Variants in ARID1A observed in about 807,000 individuals in gnomAD.
The protein encoded by ARID1A is AT-rich interactive domain-containing protein 1A.
Under a neutral mutation model 212.6 loss-of-function variants are expected in ARID1A, and 20 were observed. That is an observed-to-expected ratio of 0.09 (90% confidence interval 0.07 to 0.14). ARID1A has a LOEUF of 0.14. Among genes scored for constraint, ARID1A ranks in the 10% least tolerant of loss-of-function variants. ARID1A has a pLI of 1.00. For synonymous variants in ARID1A, 1,376 were observed against 1,222.1 expected (o/e 1.13, Z -2.63); for missense variants, 2,587 against 3,059.0 (o/e 0.85, Z 3.64).
chr1:26,715,739 G>A (rs2080496310), intron 1 of ARID1A, among the ~76,000 whole-genome samples: 1 of 152,110 alleles, frequency 6.6e-6, no homozygotes, highest in Non-Finnish European at 1.5e-5. Flanking sequence ...TGGGGAGAGT[G>A]GCACACGCCT....
intron 19 of ARID1A, chr1:26,776,091 C>T: frequency 2.8e-6 from 1 of 361,028 alleles, no homozygotes; most frequent in Non-Finnish European, 5.4e-6. Flanking sequence ...TCAAGTGATC[C>T]TCCCAAAGTG....
rs552101882 is a variant in ARID1A at position 26,776,001 on chromosome 1, T to A, written c.5124+294T>A. 2.9e-4 allele frequency: 141 copies of A among 487,448 alleles called. 1 individual carries two copies. The highest frequency in any genetic ancestry group is 2.3e-3 in the South Asian group (132 of 58,472). 30.2% of individuals were successfully genotyped at this position (487,448 alleles called of 1,614,324 possible). A position where few individuals can be genotyped will look rare whatever the true frequency, so the allele number is the denominator to read the frequency against. On this transcript the variant is annotated intron_variant, in intron 19 of 19. Coordinates refer to ENST00000324856, the MANE Select transcript of ARID1A (RefSeq NM_006015.6). ...CGATGCCAGTGGGGACACCACATTTTCTAGAAGAATCTGTGTTTTTTTGTT... is the reference window on the plus strand; with the variant it reads ...CGATGCCAGTGGGGACACCACATTTACTAGAAGAATCTGTGTTTTTTTGTT...
rs2080278331 is a variant in ARID1A at position 26,697,298 on chromosome 1, C to T, written c.895C>T (p.Leu299Phe). The T allele has an allele frequency of 3.7e-6, 5 of 1,354,930 alleles. No individual in the cohort carries two copies. The highest frequency in any genetic ancestry group is 4.7e-6 in the Non-Finnish European group (5 of 1,059,878). The allele number at this position is 1,354,930 out of a possible 1,614,324, so 83.9% of individuals were successfully genotyped here. A position where few individuals can be genotyped will look rare whatever the true frequency, so the allele number is the denominator to read the frequency against. Residue 299 changes from leucine to phenylalanine, a missense_variant, in exon 1 of 20, where the codon CTC becomes TTC. Transcript: ENST00000324856. ...PTATPTLNQL[L>F]TSPSSARGYQ... The stretch of plus-strand genomic sequence containing the variant: ...CGCCACCCCCACCCTCAACCAACTG[C>T]TCACGTCGCCCAGCTCGGCCCGGGG...
intron 4 of ARID1A, among the ~76,000 whole-genome samples, chr1:26,736,092 A>G (rs1286050718): frequency 6.6e-6 from 1 of 152,082 alleles, no homozygotes; most frequent in Non-Finnish European, 1.5e-5. Context: ...TGGGAGGCCA[A>G]GGCGGGCAGA....
chr1:26,732,495 G>T (rs1223832732), intron 3 of ARID1A, among the ~76,000 whole-genome samples, 181 bp from the exon 4 acceptor site: 1 of 152,338 alleles, frequency 6.6e-6, no homozygotes, highest in East Asian at 1.9e-4. Context: ...GTCAGAAAGA[G>T]TCCACTGTTG....
chr1:26,767,708 C>T (rs962590809), intron 10 of ARID1A, 82 bp from the exon 11 acceptor site: 3 of 1,342,308 alleles, frequency 2.2e-6, no homozygotes, highest in African/African-American at 2.9e-5. Context: ...TTTAACACTG[C>T]TCCAGTCAAG....
At chr1:26,778,852 G>A in intron 19 of ARID1A, 171 bp from the exon 20 acceptor site, 1 of 583,770 alleles carries the variant, frequency 1.7e-6, no homozygotes. Context: ...CTTTGTGTTG[G>A]GCATAGAAGA....
At chr1:26,730,258 A>G (rs910850785) in intron 2 of ARID1A, among the ~76,000 whole-genome samples, 4 of 152,194 alleles carry the variant, frequency 2.6e-5, no homozygotes, top group Admixed American at 2.6e-4. Flanking sequence ...TACCTTTAAC[A>G]TATCTGCCTT....
At chr1:26,742,331 A>G (rs557398058) in intron 4 of ARID1A, among the ~76,000 whole-genome samples, 2 of 152,322 alleles carry the variant, frequency 1.3e-5, no homozygotes, top group Non-Finnish European at 2.9e-5. Flanking sequence ...ACCTGCTTGG[A>G]GGAACTAGCC....
rs2124064941 is a variant in ARID1A, at chr1:26,762,333, C to T, written c.2419+14C>T. 1 of 1,610,572 alleles carries T rather than the reference C, an allele frequency of 6.2e-7. No individual in the cohort carries two copies. The highest frequency in any genetic ancestry group is 8.5e-7 in the Non-Finnish European group (1 of 1,178,354). ...ATGGCCCACAAGGTCAGTATACTACCCAGTTAGGAGTAGATACGGGTGAGA... is the reference window on the plus strand; with the variant it reads ...ATGGCCCACAAGGTCAGTATACTACTCAGTTAGGAGTAGATACGGGTGAGA... On this transcript the variant is annotated intron_variant, in intron 7 of 19. Transcript: ENST00000324856.
intron 4 of ARID1A, among the ~76,000 whole-genome samples, chr1:26,738,893 T>G (rs1237046857): frequency 2.1e-5 from 3 of 141,786 alleles, no homozygotes; most frequent in Non-Finnish European, 4.6e-5. Flanking sequence ...TTTTTTTTTT[T>G]GAGACAGAGT....
At chr1:26,734,021 G>A (rs1206202335) in intron 4 of ARID1A, among the ~76,000 whole-genome samples, 2 of 152,210 alleles carry the variant, frequency 1.3e-5, no homozygotes, top group African/African-American at 4.8e-5. Flanking sequence ...CAGATAGGAC[G>A]TCTGAGATTG....
intron 4 of ARID1A, among the ~76,000 whole-genome samples, chr1:26,739,734 G>T (rs1178050338): frequency 1.3e-5 from 2 of 152,176 alleles, no homozygotes; most frequent in Non-Finnish European, 2.9e-5. Flanking sequence ...GAGCTCCTCT[G>T]CTCTATGGTG....
At chr1:26,749,787 C>G (rs565421926) in intron 4 of ARID1A, among the ~76,000 whole-genome samples, 2 of 152,338 alleles carry the variant, frequency 1.3e-5, no homozygotes, top group Non-Finnish European at 1.5e-5. Flanking sequence ...TACCAAGTTG[C>G]CAAAACCCAT....
intron 4 of ARID1A, chr1:26,752,933 G>A (rs1013334350): frequency 1.3e-5 from 2 of 152,184 alleles, no homozygotes; most frequent in Non-Finnish European, 2.9e-5. Flanking sequence ...CCAACTAAAT[G>A]GGTACAAGAA....
Position 26,774,675 on chromosome 1 carries a change from G to T in ARID1A, c.4448G>T (p.Gly1483Val), listed in dbSNP as rs768630495. The T allele has an allele frequency of 1.9e-6, 3 of 1,614,206 alleles. No individual in the cohort carries two copies. The highest frequency in any genetic ancestry group is 1.7e-5 in the Admixed American group (1 of 60,032). The change falls in exon 18 of 20, where the codon GGC (glycine) becomes GTC (valine). Residue 1483 changes from glycine (G) to valine (V), a missense_variant. Coordinates refer to ENST00000324856, the MANE Select transcript of ARID1A (RefSeq NM_006015.6). The surrounding 1 kb of genome is among the most constrained non-coding windows in gnomAD (Gnocchi z 5.6). ...AACATGCCACCACAAATGATGGGCG[G>T]CCCCATACAGGCATCAGCTGAGGTT... ...QQNMPPQMMG[G>V]PIQASAEVAQ...
chr1:26,733,562 A>T (rs2080700906), intron 4 of ARID1A, among the ~76,000 whole-genome samples: 1 of 152,206 alleles, frequency 6.6e-6, no homozygotes, highest in Non-Finnish European at 1.5e-5. Flanking sequence ...TGTGCTTTAT[A>T]CCTGAAAGGC....
intron 1 of ARID1A, among the ~76,000 whole-genome samples, chr1:26,698,758 T>G (rs886128048): frequency 1.3e-5 from 2 of 152,212 alleles, no homozygotes; most frequent in African/African-American, 2.4e-5. Context: ...CACTGGTTGC[T>G]TTGCAGAATT....
At chr1:26,699,315 C>G (rs2080310050) in intron 1 of ARID1A, among the ~76,000 whole-genome samples, 2 of 152,194 alleles carry the variant, frequency 1.3e-5, no homozygotes, top group Admixed American at 6.5e-5. Flanking sequence ...TCATCATGCT[C>G]TGTCAGCAGT....
Sources: allele counts gnomAD v4.1 joint callset (sites outside exome capture counted in the v4.1 genomes callset), GRCh38; gene constraint gnomAD v4.1.1; non-coding constraint Gnocchi (gnomAD v3.1); transcripts MANE v1.5; gene names NCBI Gene and HGNC (gene_info 2026-07-23, HGNC 2026-07-21).